The following RBPJ variants were observed in gnomAD, a reference collection of about 807,000 sequenced individuals.
RBPJ encodes recombining binding protein suppressor of hairless.
RBPJ carries 9 observed loss-of-function variants against 67.8 expected under a neutral mutation model. The ratio of observed to expected loss-of-function variants is 0.13; its 90% CI spans 0.08 to 0.23. RBPJ has a LOEUF of 0.23. RBPJ is among the 10% of genes least tolerant of loss of function. The pLI is 1.00. For synonymous variants in RBPJ, 198 were observed against 203.3 expected, an observed-to-expected ratio of 0.97 and a Z score of 0.22; for missense variants, 305 against 595.6, an observed-to-expected ratio of 0.51 and a Z score of 5.08.
chr4:26,243,775 C>T (rs773002085), intron 1 of RBPJ, among the ~76,000 whole-genome samples: 1 of 151,976 alleles, frequency 6.6e-6, no homozygotes, highest in Non-Finnish European at 1.5e-5. Context: ...AAAGAATATC[C>T]ATATTTATCT....
chr4:26,325,100 A>G (rs1723483566), intron 1 of RBPJ, among the ~76,000 whole-genome samples: 1 of 152,196 alleles, frequency 6.6e-6, no homozygotes, highest in South Asian at 2.1e-4. Flanking sequence ...ATGATACCAT[A>G]TTCCGTTTGG....
upstream of RBPJ, chr4:26,319,934 T>A: frequency 1.3e-6 from 2 of 1,546,676 alleles, no homozygotes; most frequent in Non-Finnish European, 1.8e-6. Flanking sequence ...TGCTGTTCCA[T>A]GCCCGGTGGG....
intron 1 of RBPJ, among the ~76,000 whole-genome samples, chr4:26,175,306 G>T (rs887915371): frequency 2.6e-5 from 4 of 152,070 alleles, no homozygotes; most frequent in African/African-American, 9.7e-5. Context: ...GGCAGCTTGT[G>T]ATGTGCATGA....
intron 1 of RBPJ, among the ~76,000 whole-genome samples, chr4:26,164,832 C>T (rs1263769240): frequency 1.3e-5 from 2 of 152,136 alleles, no homozygotes; most frequent in Admixed American, 1.3e-4. Flanking sequence ...GCAGAATTCA[C>T]AGCAATTCCA....
chr4:26,408,159 G>A (rs542774700), intron 3 of RBPJ, among the ~76,000 whole-genome samples: 6 of 152,154 alleles, frequency 3.9e-5, no homozygotes, highest in Middle Eastern at 3.4e-3. Flanking sequence ...ATGAGACACC[G>A]TGCTTGGCCA....
intron 1 of RBPJ, among the ~76,000 whole-genome samples, chr4:26,182,397 G>A (rs1400550956): frequency 6.6e-6 from 1 of 151,962 alleles, no homozygotes; most frequent in Non-Finnish European, 1.5e-5. Context: ...ATAACATTTA[G>A]CTTAAAACAG....
intron 2 of RBPJ, among the ~76,000 whole-genome samples, chr4:26,388,763 A>G (rs1010777970): frequency 1.3e-5 from 2 of 152,236 alleles, no homozygotes; most frequent in African/African-American, 4.8e-5. Context: ...TGAAGCACAC[A>G]AAGAAAAAGT....
chr4:26,386,503 C>A, intron 2 of RBPJ, 112 bp downstream of exon 2: 1 of 693,558 alleles, frequency 1.4e-6, no homozygotes, highest in Non-Finnish European at 2.4e-6. Flanking sequence ...ATATTACTGT[C>A]TAGAGCATAA....
At chr4:26,366,036 AC>A (rs1471130158) in intron 1 of RBPJ, among the ~76,000 whole-genome samples, 1 of 152,072 alleles carries the variant, frequency 6.6e-6, no homozygotes, top group Non-Finnish European at 1.5e-5. Flanking sequence ...TGAACCCCCT[AC>A]CCCCTAATGA....
intron 1 of RBPJ, among the ~76,000 whole-genome samples, chr4:26,226,497 T>C (rs1719080250): frequency 6.6e-6 from 1 of 152,036 alleles, no homozygotes; most frequent in Admixed American, 6.6e-5. Context: ...AAATCTGGAT[T>C]CATGCAGTGA....
At position 26,381,681 on chromosome 4, in the gene RBPJ, T is replaced by C. The variant is rs151230897; in HGVS notation, c.21-4672T>C. Among the ~76,000 whole-genome samples, 1,224 of 152,294 alleles carry C rather than the reference T, an allele frequency of 8.0e-3. 23 individuals are homozygous for C. The highest frequency in any genetic ancestry group is 0.028 in the African/African-American group (1,177 of 41,570). On this transcript the variant is annotated intron_variant, in intron 1 of 10. Coordinates refer to ENST00000355476, the MANE Select transcript of RBPJ (RefSeq NM_015874.6). ...TGGGTGGTGATGGTAAGCAGATGTT[T>C]TCTTTCTTCCCACTATCAGCCTGAG...
intron 2 of RBPJ, among the ~76,000 whole-genome samples, chr4:26,392,100 T>C (rs1188582414): frequency 3.9e-5 from 6 of 152,196 alleles, no homozygotes; most frequent in African/African-American, 1.4e-4. Context: ...CATAGGAATT[T>C]TGGGGGGACA....
chr4:26,365,768 T>C (rs1384872981), intron 1 of RBPJ, among the ~76,000 whole-genome samples: 1 of 152,244 alleles, frequency 6.6e-6, no homozygotes, highest in Non-Finnish European at 1.5e-5. Context: ...TACATTACTT[T>C]CAAGGGTCCT....
intron 1 of RBPJ, among the ~76,000 whole-genome samples, chr4:26,263,863 C>T (rs1011311289): frequency 6.7e-6 from 1 of 149,662 alleles, no homozygotes; most frequent in Non-Finnish European, 1.5e-5. Context: ...AGCCACAGCA[C>T]CCAGTCTTTT....
the RBPJ span, chr4:26,111,771 A>T: frequency 2.0e-5 from 3 of 152,494 alleles, no homozygotes; most frequent in African/African-American, 7.2e-5. Flanking sequence ...TAAGAAATAA[A>T]TGTTTACATT....
At chr4:26,112,861 C>T in the RBPJ span, 8,853 of 148,226 alleles carry the variant, frequency 0.06, 864 homozygotes, top group African/African-American at 0.21. Flanking sequence ...CAGGTTCAAG[C>T]GATTCTCTTG....
At chr4:26,198,029 G>A (rs961091387) in intron 1 of RBPJ, among the ~76,000 whole-genome samples, 5 of 152,010 alleles carry the variant, frequency 3.3e-5, no homozygotes, top group African/African-American at 1.2e-4. Context: ...AGGCCGAGGG[G>A]GGTGGATCAC....
chr4:26,169,636 T>C (rs1297313771), intron 1 of RBPJ, among the ~76,000 whole-genome samples: 2 of 152,182 alleles, frequency 1.3e-5, no homozygotes, highest in African/African-American at 2.4e-5. Flanking sequence ...TCTGCAGAGG[T>C]TACTGCTGTC....
chr4:26,112,755 CTTTTTTTTTTT>C, the RBPJ span: 17 of 88,714 alleles, frequency 1.9e-4, no homozygotes, highest in African/African-American at 7.2e-4. Context: ...AAGGGAGAAT[CTTTTTTTTTTT>C]TTTTTTTTTT....
Sources: allele counts gnomAD v4.1 joint callset (sites outside exome capture counted in the v4.1 genomes callset), GRCh38; gene constraint gnomAD v4.1.1; transcripts MANE v1.5; gene names NCBI Gene and HGNC (gene_info 2026-07-23, HGNC 2026-07-21).